Variants in RTN4 observed in about 807,000 individuals in gnomAD.
RTN4 encodes the protein reticulon-4.
In RTN4, 32 loss-of-function variants were observed where a neutral mutation model predicts 90.4. That is an observed-to-expected ratio of 0.35 (90% CI 0.27 to 0.48). The LOEUF (loss-of-function observed/expected upper bound fraction) is 0.48, where lower values mean the gene tolerates loss of function less well. Ranked by LOEUF, RTN4 falls within the 20% of genes least tolerant of loss-of-function variation. The pLI, the probability that RTN4 is intolerant of heterozygous loss-of-function variation, is 0.99. For synonymous variants in RTN4, 629 were observed against 552.5 expected (o/e 1.14, Z -1.94); for missense variants, 1,706 against 1,430.2 (o/e 1.19, Z -3.11).
At chr2:55,048,529 A>T (rs1667902271) in intron 1 of RTN4, among the ~76,000 whole-genome samples, 1 of 152,024 alleles carries the variant, frequency 6.6e-6, no homozygotes, top group East Asian at 1.9e-4. Context: ...TTAAAAACTA[A>T]GATACAAACG....
At position 55,025,337 on chromosome 2, in the gene RTN4, A is replaced by G. The variant is rs779328622; in HGVS notation, c.2762T>C (p.Leu921Ser). ...TTCAACTTTGGGTTGTATGTTCTTCAAAGAAAGGTCATGGGGCAATTCTGT... is the reference window on the plus strand; with the variant it reads ...TTCAACTTTGGGTTGTATGTTCTTCGAAGAAAGGTCATGGGGCAATTCTGT... ...PCTELPHDLSLKNIQPKVEEK... is the reference protein window; with the variant it reads ...PCTELPHDLSSKNIQPKVEEK... Residue 921 changes from leucine (L) to serine (S), a missense_variant, in exon 3 of 9, where the codon TTG (leucine) becomes TCG (serine). Leu to Ser is a moderately radical substitution (Grantham distance 145). Transcript: ENST00000337526. 1 of 1,613,986 alleles carries G rather than the reference A, an allele frequency of 6.2e-7. No individual in the cohort carries two copies. Among genetic ancestry groups the G allele is most frequent in the Admixed American group, 1.7e-5 (1 of 59,976 alleles).
At chr2:55,045,266 C>G (rs1407291435) in intron 1 of RTN4, among the ~76,000 whole-genome samples, 1 of 152,176 alleles carries the variant, frequency 6.6e-6, no homozygotes, top group Admixed American at 6.5e-5. Context: ...ATATTCTTTT[C>G]TTTGTCTTTA....
intron 1 of RTN4, 75 bp from the exon 2 acceptor site, chr2:55,028,295 G>A (rs1441034182): frequency 7.5e-7 from 1 of 1,336,346 alleles, no homozygotes; most frequent in Non-Finnish European, 1.0e-6. Context: ...AGAGGAGCAA[G>A]CCAGGGTTCA....
chr2:55,095,106 T>C (rs1022022132), intron 1 of RTN4, among the ~76,000 whole-genome samples: 5 of 152,144 alleles, frequency 3.3e-5, no homozygotes, highest in Admixed American at 3.3e-4. Flanking sequence ...GTGGATCACC[T>C]GACTTCAGGA....
intron 2 of RTN4, among the ~76,000 whole-genome samples, chr2:55,064,164 G>A (rs188583196): frequency 5.7e-4 from 86 of 149,984 alleles, no homozygotes; most frequent in Non-Finnish European, 1.1e-3. Flanking sequence ...GCACCATGAT[G>A]GCTGTACTCC....
the RTN4 span, among the ~76,000 whole-genome samples, chr2:55,122,234 C>T: frequency 6.6e-6 from 1 of 152,194 alleles, no homozygotes; most frequent in East Asian, 1.9e-4. Flanking sequence ...CTGCCTCGGC[C>T]TCCCAAAGTG....
intron 1 of RTN4, among the ~76,000 whole-genome samples, chr2:55,045,050 C>T (rs1270758781): frequency 6.6e-6 from 1 of 152,062 alleles, no homozygotes; most frequent in Non-Finnish European, 1.5e-5. Flanking sequence ...ATATTTAAAC[C>T]ATATGTCACT....
upstream of RTN4, among the ~76,000 whole-genome samples, chr2:55,114,786 T>G (rs993735813): frequency 6.6e-6 from 1 of 152,168 alleles, no homozygotes; most frequent in Non-Finnish European, 1.5e-5. Flanking sequence ...AAAAGGCACG[T>G]TCCTCCTCTG....
intron 1 of RTN4, among the ~76,000 whole-genome samples, chr2:55,028,868 T>C (rs1258451026): frequency 2.0e-5 from 3 of 152,194 alleles, no homozygotes; most frequent in East Asian, 1.9e-4. Flanking sequence ...GGGCTACTTG[T>C]TATTTGTATA....
intron 1 of RTN4, among the ~76,000 whole-genome samples, chr2:55,102,530 A>C (rs1390444242): frequency 2.0e-5 from 3 of 151,524 alleles, no homozygotes; most frequent in Non-Finnish European, 2.9e-5. Context: ...TTTTCTTTTG[A>C]TTTTTTTTTA....
Position 54,972,704 on chromosome 2 carries a change from T to C in RTN4, c.*452A>G, listed in dbSNP as rs549834265. On this transcript the variant is annotated 3_prime_UTR_variant, in exon 9 of 9. Coordinates refer to ENST00000337526, the MANE Select transcript of RTN4 (RefSeq NM_020532.5). ...AAAGCAAGCTTTGTCATTCCTGCTTTACCGGTATGATCTCGTCTAAACAAA... is the reference window on the plus strand; with the variant it reads ...AAAGCAAGCTTTGTCATTCCTGCTTCACCGGTATGATCTCGTCTAAACAAA... 6.5e-6 allele frequency: 1 copy of C among 154,132 alleles called. No homozygotes were observed. Among genetic ancestry groups the C allele is most frequent in the Non-Finnish European group, 1.4e-5 (1 of 69,164 alleles). The allele number at this position is 154,132 out of a possible 1,614,324, so 9.5% of individuals were successfully genotyped here.
intron 5 of RTN4, among the ~76,000 whole-genome samples, chr2:54,980,074 T>A (rs572535422): frequency 1.1e-3 from 172 of 152,338 alleles, no homozygotes; most frequent in African/African-American, 4.0e-3. Flanking sequence ...TCTGTTACTT[T>A]CAAATTAGCA....
At position 55,026,880 on chromosome 2, in the gene RTN4, C is replaced by T; in HGVS notation, c.1219G>A (p.Ala407Thr). Residue 407 changes from alanine (A) to threonine (T), a missense_variant, in exon 3 of 9, where the codon GCT (alanine) becomes ACT (threonine). Physicochemically the swap from Ala to Thr is moderately conservative, Grantham distance 58. Coordinates refer to ENST00000337526, the MANE Select transcript of RTN4 (RefSeq NM_020532.5). ...TTGCTCTCGATTTTACCTCCAGCAG[C>T]CAACATATCACTATCTTCCTTACTA... The part of the protein sequence containing the change: ...KDSKEDSDML[A>T]AGGKIESNLE... The T allele has an allele frequency of 6.2e-7, 1 of 1,613,872 alleles. No homozygotes were observed. Among genetic ancestry groups the T allele is most frequent in the Non-Finnish European group, 8.5e-7 (1 of 1,179,900 alleles).
At chr2:55,001,446 C>A (rs1015412685) in intron 3 of RTN4, among the ~76,000 whole-genome samples, 1 of 152,168 alleles carries the variant, frequency 6.6e-6, no homozygotes, top group Non-Finnish European at 1.5e-5. Flanking sequence ...ATGGTCCCTG[C>A]AGTTATGAAG....
intron 3 of RTN4, among the ~76,000 whole-genome samples, chr2:55,017,309 T>G (rs1181693078): frequency 1.3e-5 from 2 of 152,190 alleles, no homozygotes; most frequent in South Asian, 2.1e-4. Context: ...GTCGTAAGAA[T>G]ATCAAAACAA....
chr2:55,006,864 C>T (rs1680265588), intron 3 of RTN4, among the ~76,000 whole-genome samples: 1 of 152,080 alleles, frequency 6.6e-6, no homozygotes. Context: ...CCTCATTTTC[C>T]CTAAAGCCGC....
At chr2:55,031,668 G>C (rs936613612) in intron 1 of RTN4, among the ~76,000 whole-genome samples, 12 of 152,166 alleles carry the variant, frequency 7.9e-5, no homozygotes, top group African/African-American at 2.9e-4. Context: ...TAAGCCTAAA[G>C]GATACTCTAG....
intron 2 of RTN4, among the ~76,000 whole-genome samples, chr2:55,073,072 G>A (rs1573498838): frequency 6.6e-6 from 1 of 152,258 alleles, no homozygotes; most frequent in Non-Finnish European, 1.5e-5. Flanking sequence ...TAAGAGGCCA[G>A]ACTGGGTTTT....
chr2:55,132,763 G>A, the RTN4 span, among the ~76,000 whole-genome samples: 8 of 136,022 alleles, frequency 5.9e-5, 1 homozygote, highest in East Asian at 1.6e-3. Context: ...ACAGTGAACC[G>A]AGGTCTTGCC....
Sources: allele counts gnomAD v4.1 joint callset (sites outside exome capture counted in the v4.1 genomes callset), GRCh38; gene constraint gnomAD v4.1.1; transcripts MANE v1.5; gene names NCBI Gene and HGNC (gene_info 2026-07-23, HGNC 2026-07-21).